FUBP1: variants seen among roughly 807,000 people sequenced by gnomAD.
The protein encoded by FUBP1 is far upstream element-binding protein 1.
In FUBP1, 16 loss-of-function variants were observed where a neutral mutation model predicts 94.9. The observed-to-expected ratio is 0.17, with a 90% CI of 0.11 to 0.26. FUBP1 has a LOEUF of 0.26. FUBP1 is among the 10% of genes least tolerant of loss of function. The pLI, the probability that FUBP1 is intolerant of heterozygous loss-of-function variation, is 1.00. For missense variants in FUBP1, 583 were observed against 808.6 expected, an observed-to-expected ratio of 0.72 and a Z score of 3.38; for synonymous variants, 279 against 254.9, an observed-to-expected ratio of 1.09 and a Z score of -0.90.
intron 1 of FUBP1, among the ~76,000 whole-genome samples, chr1:77,972,672 G>A (rs1475964372): frequency 6.6e-6 from 1 of 151,502 alleles, no homozygotes; most frequent in Non-Finnish European, 1.5e-5. Context: ...TCAGGCAGGA[G>A]AATCACTTGA....
chr1:77,947,904 CATT>C lies in FUBP1; in HGVS notation c.*859_*861del. The C allele has an allele frequency of 9.9e-7, 1 of 1,008,964 alleles. No homozygotes were observed. Among genetic ancestry groups the C allele is most frequent in the Non-Finnish European group, 1.2e-6 (1 of 820,698 alleles). The allele number at this position is 1,008,964 out of a possible 1,614,324, so 62.5% of individuals were successfully genotyped here. A position where few individuals can be genotyped will look rare whatever the true frequency, so the allele number is the denominator to read the frequency against. On this transcript the variant is annotated 3_prime_UTR_variant, in exon 20 of 20. Coordinates refer to ENST00000370768, the MANE Select transcript of FUBP1 (RefSeq NM_003902.5). ...CTAAATTTAGAAAGAAACACACTAA[CATT>C]ATATACATTGAAAGAGTTGCTTCAC...
rs753821291 is a variant in FUBP1, at chr1:77,962,808, T to C, written c.1306A>G (p.Ile436Val). 6.2e-7 allele frequency: 1 copy of C among 1,612,340 alleles called. No homozygotes were observed. Among genetic ancestry groups the C allele is most frequent in the South Asian group, 1.1e-5 (1 of 90,928 alleles). ...TCTATGAGTTGCCGAGCATAGTCTA[T>C]CTGTTGTGGAGTGCCACGAATTGTA... ...LFTIRGTPQQIDYARQLIEEK... is the reference protein window; with the variant it reads ...LFTIRGTPQQVDYARQLIEEK... Residue 436 changes from isoleucine to valine, a missense_variant, in exon 14 of 20, where the codon ATA (isoleucine) becomes GTA (valine). Physicochemically the swap from Ile to Val is conservative, Grantham distance 29. Transcript: ENST00000370768.
chr1:77,948,680 C>G lies in FUBP1; in HGVS notation c.*86G>C. 6.8e-7 allele frequency: 1 copy of G among 1,467,028 alleles called. No individual in the cohort carries two copies. Among genetic ancestry groups the G allele is most frequent in the Non-Finnish European group, 9.0e-7 (1 of 1,105,772 alleles). The allele number at this position is 1,467,028 out of a possible 1,614,324, so 90.9% of individuals were successfully genotyped here. ...TTTAAACCAAAAACAAAATTAAGAT[C>G]TTCATCAAGTCGTCTGCATCCATAT... On this transcript the variant is annotated 3_prime_UTR_variant, in exon 20 of 20. Transcript: ENST00000370768.
intron 17 of FUBP1, 55 bp from the exon 18 acceptor site, chr1:77,955,384 T>C: frequency 9.1e-7 from 1 of 1,094,526 alleles, no homozygotes; most frequent in Non-Finnish European, 1.4e-6. Flanking sequence ...AAAGGCAATT[T>C]TGGCCGTTTC....
chr1:77,972,329 T>G (rs1395553676), intron 1 of FUBP1, among the ~76,000 whole-genome samples: 1 of 152,174 alleles, frequency 6.6e-6, no homozygotes. Context: ...AGTTAGCTTT[T>G]ATAAATACTC....
intron 2 of FUBP1, among the ~76,000 whole-genome samples, 196 bp downstream of exon 2, chr1:77,969,729 T>A (rs886146809): frequency 5.9e-5 from 9 of 152,026 alleles, no homozygotes; most frequent in Admixed American, 4.6e-4. Flanking sequence ...TTTTAAAAAA[T>A]TTTTTAAAAA....
At chr1:77,975,678 G>T (rs1207250513) in intron 1 of FUBP1, among the ~76,000 whole-genome samples, 1 of 152,090 alleles carries the variant, frequency 6.6e-6, no homozygotes, top group Non-Finnish European at 1.5e-5. Context: ...ATGTTCTAGA[G>T]ACAGAAGTTG....
Position 77,960,170 on chromosome 1 carries a change from T to G in FUBP1, c.1576+14A>C. 1.3e-6 allele frequency: 2 copies of G among 1,557,606 alleles called. No individual in the cohort carries two copies. The highest frequency in any genetic ancestry group is 2.2e-5 in the South Asian group (2 of 89,140). On this transcript the variant is annotated intron_variant, in intron 16 of 19. Coordinates refer to ENST00000370768, the MANE Select transcript of FUBP1 (RefSeq NM_003902.5). ...AATAATACAGATAACACACAAATAATAAGCATCTTCTACCTGGATCAGGAG... is the reference window on the plus strand; with the variant it reads ...AATAATACAGATAACACACAAATAAGAAGCATCTTCTACCTGGATCAGGAG...
chr1:77,949,043 T>C (rs1652815818), intron 19 of FUBP1, 112 bp downstream of exon 19: 1 of 1,069,976 alleles, frequency 9.3e-7, no homozygotes, highest in Non-Finnish European at 1.4e-6. Context: ...TAAATAGTTA[T>C]TATACTTTGC....
chr1:77,960,907 T>C (rs1034881445), intron 14 of FUBP1: 1 of 163,038 alleles, frequency 6.1e-6, no homozygotes. Context: ...GTCTTGACAA[T>C]ATATTCCCAA....
At position 77,944,942 on chromosome 1, in the gene FUBP1, A is replaced by C. The variant is rs912616855; in HGVS notation, c.*3824T>G. ...ACCACACTAAGCTGTCTTAAAAAAA[A>C]CTAAAAACATTGTCAAATTTTTGTT... On this transcript the variant is annotated 3_prime_UTR_variant, in exon 20 of 20. Coordinates refer to ENST00000370768, the MANE Select transcript of FUBP1 (RefSeq NM_003902.5). Among the ~76,000 whole-genome samples, 1 of 152,014 alleles carries C rather than the reference A, an allele frequency of 6.6e-6. No homozygotes were observed. Among genetic ancestry groups the C allele is most frequent in the Non-Finnish European group, 1.5e-5 (1 of 67,880 alleles).
intron 1 of FUBP1, among the ~76,000 whole-genome samples, chr1:77,972,768 GAAAAA>G (rs1279732289): frequency 4.8e-5 from 7 of 145,042 alleles, no homozygotes; most frequent in African/African-American, 1.5e-4. Context: ...TCTCAAAAAA[GAAAAA>G]AAGAAAAGAA....
At chr1:77,972,777 A>G (rs1039144377) in intron 1 of FUBP1, among the ~76,000 whole-genome samples, 1 of 137,746 alleles carries the variant, frequency 7.3e-6, no homozygotes, top group African/African-American at 2.5e-5. Context: ...AGAAAAAAAG[A>G]AAAGAAAAGA....
intron 1 of FUBP1, among the ~76,000 whole-genome samples, chr1:77,971,171 T>C (rs1657466518): frequency 6.6e-6 from 1 of 152,170 alleles, no homozygotes; most frequent in Non-Finnish European, 1.5e-5. Context: ...TGGGGAATCA[T>C]GGAGTGGTTC....
intron 1 of FUBP1, among the ~76,000 whole-genome samples, chr1:77,977,536 A>G (rs774039759): frequency 6.6e-6 from 1 of 152,164 alleles, no homozygotes; most frequent in African/African-American, 2.4e-5. Context: ...AAACAAAACA[A>G]AACAAAACTC....
chr1:77,963,849 G>A, intron 12 of FUBP1, 134 bp from the exon 13 acceptor site: 2 of 749,762 alleles, frequency 2.7e-6, no homozygotes, highest in South Asian at 1.9e-5. Context: ...GCCCTAATAA[G>A]TAATAACATT....
chr1:77,961,949 G>A (rs1033830130), intron 14 of FUBP1, among the ~76,000 whole-genome samples: 1 of 151,944 alleles, frequency 6.6e-6, no homozygotes, highest in South Asian at 2.1e-4. Flanking sequence ...ATCTATTTTT[G>A]TCTTCCCAAG....
chr1:77,972,443 C>A (rs2102481467), intron 1 of FUBP1, among the ~76,000 whole-genome samples: 1 of 151,760 alleles, frequency 6.6e-6, no homozygotes, highest in African/African-American at 2.4e-5. Flanking sequence ...AAAAACTAAC[C>A]AAATGAAAAT....
At position 77,965,178 on chromosome 1, in the gene FUBP1, C is replaced by A. The variant is rs1252119871; in HGVS notation, c.527G>T (p.Gly176Val). 1.9e-6 allele frequency: 3 copies of A among 1,610,236 alleles called. No individual in the cohort carries two copies. The highest frequency in any genetic ancestry group is 2.5e-6 in the Non-Finnish European group (3 of 1,176,640). Reference sequence around the variant, plus strand: ...TCCCGGTCCATCGCCATGATGGAAGCCAGGAGCTGGTCTTCCTTTTTCAAC... The same window carrying A: ...TCCCGGTCCATCGCCATGATGGAAGACAGGAGCTGGTCTTCCTTTTTCAAC... The part of the protein sequence containing the change: ...QIVEKGRPAP[G>V]FHHGDGPGNA... Residue 176 changes from glycine to valine, a missense_variant, in exon 8 of 20, where the codon GGC becomes GTC. Physicochemically the swap from Gly to Val is moderately radical, Grantham distance 109. Coordinates refer to ENST00000370768, the MANE Select transcript of FUBP1 (RefSeq NM_003902.5).
Sources: gnomAD v4.1 joint callset for allele counts (sites outside exome capture counted in the v4.1 genomes callset) on GRCh38, gnomAD v4.1.1 for gene constraint, MANE v1.5 for transcripts, NCBI Gene and HGNC (gene_info 2026-07-23, HGNC 2026-07-21) for gene names.